The following MCTP2 variants were observed in gnomAD, a reference collection of about 807,000 sequenced individuals.
The protein encoded by MCTP2 is multiple C2 and transmembrane domain containing 2.
MCTP2 carries 132 observed loss-of-function variants against 111.6 expected under a neutral mutation model. The ratio of observed to expected loss-of-function variants is 1.18; its 90% CI spans 1.03 to 1.37. MCTP2 has a LOEUF of 1.37. MCTP2 is among the 40% of genes most tolerant of loss of function. The probability of loss-of-function intolerance (pLI) is 0.00; values close to 1 mark genes in which losing one functional copy is unlikely to be tolerated. For synonymous variants in MCTP2, 395 were observed against 387.7 expected (o/e 1.02, Z -0.22); for missense variants, 1,183 against 1,067.9 (o/e 1.11, Z -1.50).
intron 20 of MCTP2, among the ~76,000 whole-genome samples, chr15:94,462,087 A>G (rs1389534400): frequency 1.3e-5 from 2 of 152,224 alleles, no homozygotes; most frequent in Non-Finnish European, 2.9e-5. Flanking sequence ...AAGAAGAGTC[A>G]GAGGACCTCA....
At chr15:94,414,411 A>G (rs948902393) in intron 17 of MCTP2, among the ~76,000 whole-genome samples, 13 of 152,216 alleles carry the variant, frequency 8.5e-5, no homozygotes, top group Non-Finnish European at 1.8e-4. Context: ...TGCAGCCTTC[A>G]TATAAAAAAT....
intron 12 of MCTP2, among the ~76,000 whole-genome samples, chr15:94,371,541 C>A (rs1287610005): frequency 6.6e-6 from 1 of 152,028 alleles, no homozygotes; most frequent in Non-Finnish European, 1.5e-5. Context: ...TGTCTCCAGC[C>A]CCAAGAACTC....
chr15:94,358,270 T>C (rs1431549187), intron 9 of MCTP2, among the ~76,000 whole-genome samples: 1 of 152,184 alleles, frequency 6.6e-6, no homozygotes, highest in Non-Finnish European at 1.5e-5. Flanking sequence ...GGATAAATTA[T>C]TGGATCTGGG....
At position 94,315,651 on chromosome 15, in the gene MCTP2, C is replaced by T; in HGVS notation, c.637+14C>T. The T allele has an allele frequency of 1.3e-6, 2 of 1,591,288 alleles. No individual in the cohort carries two copies. The highest frequency in any genetic ancestry group is 1.7e-6 in the Non-Finnish European group (2 of 1,159,396). ...GAGATCGCTGTGGTAAGACCTGGGTCTGTTATGGTGGGTGTAGCCTGGAAA... is the reference window on the plus strand; with the variant it reads ...GAGATCGCTGTGGTAAGACCTGGGTTTGTTATGGTGGGTGTAGCCTGGAAA... On this transcript the variant is annotated intron_variant, in intron 4 of 22. Coordinates refer to ENST00000357742, the MANE Select transcript of MCTP2 (RefSeq NM_001385001.1).
At chr15:94,244,043 CA>C (rs1405437345) in intron 1 of MCTP2, among the ~76,000 whole-genome samples, 2 of 145,070 alleles carry the variant, frequency 1.4e-5, no homozygotes, top group Non-Finnish European at 3.0e-5. Context: ...ATATATTGCA[CA>C]CATATGTATA....
chr15:94,314,632 A>C, intron 3 of MCTP2: 1 of 522,612 alleles, frequency 1.9e-6, no homozygotes, highest in Non-Finnish European at 3.5e-6. Flanking sequence ...AACTTTCAAA[A>C]GAAGGCTGTC....
intron 2 of MCTP2, 48 bp downstream of exon 2, chr15:94,298,778 C>T (rs1234923102): frequency 3.3e-6 from 4 of 1,203,678 alleles, no homozygotes; most frequent in Non-Finnish European, 4.6e-6. Flanking sequence ...CTCTCTCTCT[C>T]TCTTTCCCTC....
chr15:94,350,564 C>T (rs779013179), intron 8 of MCTP2, among the ~76,000 whole-genome samples: 3 of 150,460 alleles, frequency 2.0e-5, no homozygotes, highest in Non-Finnish European at 2.9e-5. Context: ...AGCGAGACTC[C>T]GTCTCAAAAT....
intron 2 of MCTP2, among the ~76,000 whole-genome samples, chr15:94,299,660 C>T (rs531606036): frequency 1.2e-4 from 19 of 152,270 alleles, no homozygotes; most frequent in Middle Eastern, 3.4e-3. Flanking sequence ...AAAAGTCTTT[C>T]GTTACTGACA....
intron 7 of MCTP2, among the ~76,000 whole-genome samples, chr15:94,344,462 G>A (rs143159456): frequency 2.1e-3 from 327 of 152,278 alleles, no homozygotes; most frequent in African/African-American, 7.7e-3. Flanking sequence ...AGTACTGAAT[G>A]GTGACAGGAG....
chr15:94,402,192 C>G, intron 17 of MCTP2, 173 bp downstream of exon 17: 1 of 876,562 alleles, frequency 1.1e-6, no homozygotes, highest in Non-Finnish European at 1.4e-6. Flanking sequence ...CATATATGGT[C>G]TCTTGGTAAA....
intron 20 of MCTP2, among the ~76,000 whole-genome samples, chr15:94,468,821 T>G (rs2073653975): frequency 6.6e-6 from 1 of 152,068 alleles, no homozygotes; most frequent in Admixed American, 6.6e-5. Flanking sequence ...AGAGATGAGA[T>G]TTCACCATGT....
intron 1 of MCTP2, among the ~76,000 whole-genome samples, chr15:94,249,331 T>C (rs777125712): frequency 1.4e-4 from 21 of 152,218 alleles, no homozygotes; most frequent in Non-Finnish European, 2.8e-4. Flanking sequence ...TTAAAGAAAG[T>C]TGTAGGATAT....
chr15:94,391,832 G>C (rs958079870), intron 14 of MCTP2, among the ~76,000 whole-genome samples: 7 of 152,178 alleles, frequency 4.6e-5, no homozygotes, highest in African/African-American at 1.7e-4. Context: ...GGAGTCTCCT[G>C]ATGGCAAGTA....
At chr15:94,320,250 C>T (rs1252719916) in intron 4 of MCTP2, among the ~76,000 whole-genome samples, 1 of 150,760 alleles carries the variant, frequency 6.6e-6, no homozygotes, top group African/African-American at 2.4e-5. Context: ...TCACGCCATT[C>T]TCCTGTCTCA....
chr15:94,327,174 A>G (rs2152384790), intron 4 of MCTP2, among the ~76,000 whole-genome samples: 2 of 152,296 alleles, frequency 1.3e-5, no homozygotes, highest in East Asian at 3.9e-4. Flanking sequence ...CTTGAGAGAC[A>G]CACACATTCA....
At chr15:94,256,174 A>C (rs2072757026) in intron 1 of MCTP2, among the ~76,000 whole-genome samples, 1 of 152,218 alleles carries the variant, frequency 6.6e-6, no homozygotes, top group South Asian at 2.1e-4. Context: ...GTCAAAATGC[A>C]GCCGAAACTT....
chr15:94,464,315 C>A (rs186125741), intron 20 of MCTP2, among the ~76,000 whole-genome samples: 998 of 85,926 alleles, frequency 0.012, 17 homozygotes, highest in African/African-American at 0.044. Context: ...ATCTCTGTTT[C>A]TGTAAATTGT....
At chr15:94,478,897 G>C in intron 22 of MCTP2, 69 bp from the exon 23 acceptor site, 1 of 1,373,694 alleles carries the variant, frequency 7.3e-7, no homozygotes, top group Admixed American at 1.7e-5. Context: ...TCCTTGGGGA[G>C]CCATTAGCAC....
Sources: allele counts gnomAD v4.1 joint callset (sites outside exome capture counted in the v4.1 genomes callset), GRCh38; gene constraint gnomAD v4.1.1; transcripts MANE v1.5; gene names NCBI Gene and HGNC (gene_info 2026-07-23, HGNC 2026-07-21).